SMYD2: variants seen among roughly 807,000 people sequenced by gnomAD.
SMYD2 encodes the protein N-lysine methyltransferase SMYD2.
Under a neutral mutation model 59.1 loss-of-function variants are expected in SMYD2, and 53 were observed. The ratio of observed to expected loss-of-function variants is 0.90; its 90% CI spans 0.72 to 1.13. The LOEUF (loss-of-function observed/expected upper bound fraction) is 1.13. Ranked by LOEUF, SMYD2 falls within the 50% of genes most tolerant of loss-of-function variation. The pLI, the probability that SMYD2 is intolerant of heterozygous loss-of-function variation, is 0.00. For synonymous variants in SMYD2, 208 were observed against 198.8 expected, an observed-to-expected ratio of 1.05 and a Z score of -0.39; for missense variants, 494 against 544.7, an observed-to-expected ratio of 0.91 and a Z score of 0.93.
chr1:214,295,901 C>G (rs919874830), intron 1 of SMYD2, among the ~76,000 whole-genome samples: 1 of 152,318 alleles, frequency 6.6e-6, no homozygotes, highest in African/African-American at 2.4e-5. Context: ...GGGTGGGAGG[C>G]TAACTTTGTT....
At chr1:214,296,556 A>C (rs543623332) in intron 1 of SMYD2, among the ~76,000 whole-genome samples, 1 of 152,340 alleles carries the variant, frequency 6.6e-6, no homozygotes, top group East Asian at 1.9e-4. Context: ...AAAAAGCACA[A>C]AGACTAATTA....
At chr1:214,298,580 A>G (rs1368935344) in intron 1 of SMYD2, among the ~76,000 whole-genome samples, 2 of 152,338 alleles carry the variant, frequency 1.3e-5, no homozygotes, top group Middle Eastern at 3.4e-3. Flanking sequence ...GCACAGCAAA[A>G]GAAACTATCA....
intron 1 of SMYD2, among the ~76,000 whole-genome samples, chr1:214,291,782 C>G (rs1002008791): frequency 2.0e-5 from 3 of 152,106 alleles, no homozygotes; most frequent in African/African-American, 7.2e-5. Context: ...CGATCAGATA[C>G]TACTTAGGTC....
chr1:214,281,560 G>C, intron 1 of SMYD2, 133 bp downstream of exon 1: 62 of 184,600 alleles, frequency 3.4e-4, no homozygotes, highest in Non-Finnish European at 5.8e-4. Context: ...GGGGGGCGGG[G>C]AGGGGAGGAG....
chr1:214,331,849 G>GT lies in SMYD2; in HGVS notation c.938-163dup, dbSNP rs1044130497. ...TCCGACCTTCAGGTTTTCTTCATTTGTTTTTTCTGGAGAAATGTAATTCCT... is the reference window on the plus strand; with the variant it reads ...TCCGACCTTCAGGTTTTCTTCATTTGTTTTTTTCTGGAGAAATGTAATTCCT... On this transcript the variant is annotated intron_variant, in intron 9 of 11. Transcript: ENST00000366957. 1.2e-5 allele frequency: 8 copies of GT among 649,960 alleles called. 1 individual carries two copies. The highest frequency in any genetic ancestry group is 9.6e-5 in the Admixed American group (3 of 31,294). The allele number at this position is 649,960 out of a possible 1,614,324, so 40.3% of individuals were successfully genotyped here.
rs1211380465 is a variant in SMYD2, at chr1:214,318,955, A to G, written c.506A>G (p.Asn169Ser). The stretch of plus-strand genomic sequence containing the variant: ...TCCAAGCATCTCGGATTCCCTGACA[A>G]TGATAGCCTCGTAGTACTCTTTGCA... ...FYSKHLGFPD[N>S]DSLVVLFAQV... The change falls in exon 5 of 12, where the codon AAT (asparagine) becomes AGT (serine). Residue 169 changes from asparagine (N) to serine (S), a missense_variant. By Grantham distance (46) the Asn-to-Ser change is conservative. Coordinates refer to ENST00000366957, the MANE Select transcript of SMYD2 (RefSeq NM_020197.3). This position sits in a 1 kb window ranked among gnomAD's most constrained non-coding sequence, Gnocchi z 5.4. The G allele has an allele frequency of 6.8e-6, 11 of 1,613,992 alleles. No homozygotes were observed. Among genetic ancestry groups the G allele is most frequent in the East Asian group, 2.2e-5 (1 of 44,888 alleles).
At chr1:214,305,301 C>T in intron 2 of SMYD2, 51 bp downstream of exon 2, 2 of 1,525,352 alleles carry the variant, frequency 1.3e-6, no homozygotes, top group Non-Finnish European at 1.8e-6. Context: ...TGAAGTCCTC[C>T]TCTTCCTTGT....
chr1:214,324,527 C>A, intron 5 of SMYD2, 114 bp from the exon 6 acceptor site: 2 of 906,680 alleles, frequency 2.2e-6, no homozygotes, highest in Non-Finnish European at 3.4e-6. Context: ...GGTTTAAAAC[C>A]ACTACACCAA....
At chr1:214,301,769 T>TAAAA (rs56102481) in intron 1 of SMYD2, among the ~76,000 whole-genome samples, 16,839 of 132,964 alleles carry the variant, frequency 0.13, 1,325 homozygotes, top group Middle Eastern at 0.18. Context: ...TCTTTCAAGT[T>TAAAA]AAAAAAAAAA....
chr1:214,330,150 T>C lies in SMYD2; in HGVS notation c.706-18T>C. 6.5e-7 allele frequency: 1 copy of C among 1,549,882 alleles called. No homozygotes were observed. The highest frequency in any genetic ancestry group is 8.9e-7 in the Non-Finnish European group (1 of 1,128,842). ...TTACCTGTAGCAGACTGAAGCTTTA[T>C]CTTTTTGGACCCCGTAGGTTTTTAC... On this transcript the variant is annotated intron_variant, in intron 7 of 11. Coordinates refer to ENST00000366957, the MANE Select transcript of SMYD2 (RefSeq NM_020197.3).
Position 214,285,315 on chromosome 1 carries a change from G to C in SMYD2, c.173+3888G>C, listed in dbSNP as rs1203604696. 2.6e-5 allele frequency among the ~76,000 whole-genome samples: 4 copies of C among 152,162 alleles called. No homozygotes were observed. The East Asian group carries it at 7.7e-4, about 29-fold the overall frequency. On this transcript the variant is annotated intron_variant, in intron 1 of 11. Coordinates refer to ENST00000366957, the MANE Select transcript of SMYD2 (RefSeq NM_020197.3). ...TCAGTATTAAGGGCCATGAAATCCTGATGCTGTTTTCCTGAAGTTCTCTGA... is the reference window on the plus strand; with the variant it reads ...TCAGTATTAAGGGCCATGAAATCCTCATGCTGTTTTCCTGAAGTTCTCTGA...
intron 2 of SMYD2, among the ~76,000 whole-genome samples, chr1:214,307,967 A>G (rs1437256403): frequency 6.6e-6 from 1 of 152,212 alleles, no homozygotes; most frequent in African/African-American, 2.4e-5. Flanking sequence ...CTTGGGGAGC[A>G]AGGAACCCCA....
intron 1 of SMYD2, among the ~76,000 whole-genome samples, chr1:214,284,987 A>G (rs913931609): frequency 2.6e-5 from 4 of 152,118 alleles, no homozygotes; most frequent in Admixed American, 2.6e-4. Flanking sequence ...TTATTTAAGG[A>G]TGAGATTATT....
chr1:214,318,031 T>G lies in SMYD2; in HGVS notation c.349-48T>G. Reference sequence around the variant, plus strand: ...AAGTGAAAGTGCCACTTTATTACACTGGTTGTTAAAAAATCTGTATCTGTG... The same window carrying G: ...AAGTGAAAGTGCCACTTTATTACACGGGTTGTTAAAAAATCTGTATCTGTG... On this transcript the variant is annotated intron_variant, in intron 3 of 11. Coordinates refer to ENST00000366957, the MANE Select transcript of SMYD2 (RefSeq NM_020197.3). This position sits in a 1 kb window ranked among gnomAD's most constrained non-coding sequence, Gnocchi z 5.4. The G allele has an allele frequency of 6.5e-7, 1 of 1,533,364 alleles. No individual in the cohort carries two copies. The highest frequency in any genetic ancestry group is 9.0e-7 in the Non-Finnish European group (1 of 1,109,404). The allele number at this position is 1,533,364 out of a possible 1,614,324, so 95.0% of individuals were successfully genotyped here. A position where few individuals can be genotyped will look rare whatever the true frequency, so the allele number is the denominator to read the frequency against.
chr1:214,309,325 T>C (rs889237418), intron 2 of SMYD2, among the ~76,000 whole-genome samples: 2 of 151,746 alleles, frequency 1.3e-5, no homozygotes, highest in African/African-American at 4.8e-5. Flanking sequence ...ACTGTATTTA[T>C]TTTTCTAAAT....
rs1657364632 is a variant in SMYD2, at chr1:214,332,070, T to G, written c.990T>G (p.Ser330=). 1 of 1,614,054 alleles carries G rather than the reference T, an allele frequency of 6.2e-7. No homozygotes were observed. Residue 330 remains serine, a synonymous_variant, in exon 10 of 12, where the codon TCT becomes TCG. Transcript: ENST00000366957. Reference sequence around the variant, plus strand: ...AGCTCAGCCAGGAGAAGATGAGCTCTGTGTTTGAGGACAGTAACGTGTACA... The same window carrying G: ...AGCTCAGCCAGGAGAAGATGAGCTCGGTGTTTGAGGACAGTAACGTGTACA... The part of the protein sequence containing the change: ...ICELSQEKMS[S]VFEDSNVYML...
chr1:214,333,496 C>T (rs1000290844), intron 10 of SMYD2: 2 of 152,328 alleles, frequency 1.3e-5, no homozygotes, highest in African/African-American at 4.8e-5. Flanking sequence ...ATAAACACCT[C>T]TTACACACAT....
In SMYD2 at chr1:214,332,022, T is replaced by A; in HGVS notation, c.942T>A (p.Pro314=). ...CTTTCCTTGACTCCACAGCACCCCCTAGTGAGCTGCTGGAGATCTGCGAGC... is the reference window on the plus strand; with the variant it reads ...CTTTCCTTGACTCCACAGCACCCCCAAGTGAGCTGCTGGAGATCTGCGAGC... ...EFRRAKHYKS[P]SELLEICELS... is the part of the protein sequence containing the mutation. The change falls in exon 10 of 12, where the codon CCT becomes CCA. Residue 314 remains proline (P), a synonymous_variant. Coordinates refer to ENST00000366957, the MANE Select transcript of SMYD2 (RefSeq NM_020197.3). The A allele has an allele frequency of 6.2e-7, 1 of 1,612,608 alleles. No homozygotes were observed. The highest frequency in any genetic ancestry group is 8.5e-7 in the Non-Finnish European group (1 of 1,179,738).
chr1:214,288,945 T>TTTA (rs1656593476), intron 1 of SMYD2, among the ~76,000 whole-genome samples: 1 of 149,696 alleles, frequency 6.7e-6, no homozygotes, highest in South Asian at 2.1e-4. Context: ...AGTCTTTTTT[T>TTTA]TTTTTTTTTC....
Sources: gnomAD v4.1 joint callset for allele counts (sites outside exome capture counted in the v4.1 genomes callset) on GRCh38, gnomAD v4.1.1 for gene constraint, Gnocchi (gnomAD v3.1) non-coding constraint, MANE v1.5 for transcripts, NCBI Gene and HGNC (gene_info 2026-07-23, HGNC 2026-07-21) for gene names.